NALCN: variants seen among roughly 807,000 people sequenced by gnomAD.
NALCN encodes the protein sodium leak channel NALCN.
In NALCN, 111 loss-of-function variants were observed where a neutral mutation model predicts 225.3. That is an observed-to-expected ratio of 0.49 (90% confidence interval 0.42 to 0.58). NALCN has a LOEUF of 0.58. NALCN is among the 20% of genes least tolerant of loss of function. NALCN has a pLI of 0.00. For missense variants in NALCN, 1,378 were observed against 2,202.4 expected (o/e 0.63, Z 7.49); for synonymous variants, 764 against 769.0 (o/e 0.99, Z 0.11).
intron 3 of NALCN, among the ~76,000 whole-genome samples, chr13:101,394,173 T>C (rs2047220484): frequency 6.6e-6 from 1 of 152,188 alleles, no homozygotes; most frequent in Non-Finnish European, 1.5e-5. Flanking sequence ...AACTGTAATA[T>C]ACTTTGGGGT....
intron 18 of NALCN, among the ~76,000 whole-genome samples, chr13:101,122,222 T>C (rs2036012211): frequency 1.3e-5 from 2 of 152,158 alleles, no homozygotes; most frequent in South Asian, 2.1e-4. Flanking sequence ...GAAACTAGCA[T>C]AGAAGCAATG....
chr13:101,056,505 AC>A (rs1211228671), intron 43 of NALCN, among the ~76,000 whole-genome samples: 1 of 151,442 alleles, frequency 6.6e-6, no homozygotes, highest in African/African-American at 2.4e-5. Context: ...CAAATGATCC[AC>A]CTGCCTCGGC....
chr13:101,305,513 T>C (rs187136207), intron 7 of NALCN, among the ~76,000 whole-genome samples: 17 of 152,318 alleles, frequency 1.1e-4, no homozygotes, highest in Middle Eastern at 3.4e-3. Flanking sequence ...TTTTAACCCT[T>C]ATGTTTTGAC....
intron 7 of NALCN, among the ~76,000 whole-genome samples, chr13:101,334,139 C>A (rs997830036): frequency 6.6e-6 from 1 of 151,886 alleles, no homozygotes; most frequent in East Asian, 1.9e-4. Context: ...GTCTAATGAA[C>A]GAATCCAGAA....
At chr13:101,416,951 C>G (rs867433514), upstream of NALCN, among the ~76,000 whole-genome samples, 4 of 152,170 alleles carry the variant, frequency 2.6e-5, no homozygotes, top group Non-Finnish European at 5.9e-5. Flanking sequence ...AAACCGTTCA[C>G]CTCAAGTTTC....
chr13:101,193,531 G>A (rs758998316), intron 13 of NALCN, among the ~76,000 whole-genome samples: 2 of 152,132 alleles, frequency 1.3e-5, no homozygotes, highest in Non-Finnish European at 2.9e-5. Context: ...TTTACCTTGA[G>A]TTGATTTTTC....
At chr13:101,326,652 C>G (rs371551732) in intron 7 of NALCN, among the ~76,000 whole-genome samples, 1 of 152,154 alleles carries the variant, frequency 6.6e-6, no homozygotes, top group Non-Finnish European at 1.5e-5. Flanking sequence ...CATGACCCCC[C>G]TTCTTTGGTA....
chr13:101,241,736 C>T (rs1408257320), intron 11 of NALCN, among the ~76,000 whole-genome samples: 1 of 152,186 alleles, frequency 6.6e-6, no homozygotes, highest in Non-Finnish European at 1.5e-5. Flanking sequence ...AGCCACCATG[C>T]CCGGCCAGAG....
At chr13:101,180,168 A>AT (rs1252880435) in intron 14 of NALCN, among the ~76,000 whole-genome samples, 1 of 144,386 alleles carries the variant, frequency 6.9e-6, no homozygotes, top group East Asian at 2.0e-4. Flanking sequence ...TATCTTTTGT[A>AT]GGGGCCCATT....
chr13:101,362,061 C>T (rs1038650567), intron 6 of NALCN, among the ~76,000 whole-genome samples: 2 of 151,822 alleles, frequency 1.3e-5, no homozygotes, highest in African/African-American at 2.4e-5. Context: ...AGGTGGTTCA[C>T]ATCTTGGAGA....
intron 13 of NALCN, among the ~76,000 whole-genome samples, chr13:101,200,306 G>A (rs2140036770): frequency 6.6e-6 from 1 of 152,186 alleles, no homozygotes; most frequent in Middle Eastern, 3.4e-3. Context: ...GACATCTTTG[G>A]TTCATCTCAT....
At chr13:101,124,300 C>T (rs992797840) in intron 18 of NALCN, among the ~76,000 whole-genome samples, 4 of 152,136 alleles carry the variant, frequency 2.6e-5, no homozygotes, top group Admixed American at 6.6e-5. Flanking sequence ...TTCTCCTTTA[C>T]ATATCACAAA....
intron 1 of NALCN, among the ~76,000 whole-genome samples, chr13:101,415,224 T>TATATATATATATATATATATATATAC (rs1566669133): frequency 1.4e-4 from 11 of 76,762 alleles, no homozygotes; most frequent in African/African-American, 2.5e-4. Flanking sequence ...TATATATATA[T>TATATATATATATATATATATATATAC]ACATACATAT....
intron 13 of NALCN, among the ~76,000 whole-genome samples, chr13:101,215,548 C>T (rs1028902438): frequency 2.6e-5 from 4 of 152,040 alleles, no homozygotes; most frequent in East Asian, 1.9e-4. Context: ...CTGGAGCTTG[C>T]GGTCTTCTTC....
rs562151729 is a variant in NALCN at position 101,153,501 on chromosome 13, A to T, written c.1840-8605T>A. Among the ~76,000 whole-genome samples, 5 of 152,322 alleles carry T rather than the reference A, an allele frequency of 3.3e-5. No individual in the cohort carries two copies. The East Asian group carries it at 9.6e-4, about 29-fold the overall frequency. On this transcript the variant is annotated intron_variant, in intron 15 of 43. Coordinates refer to ENST00000251127, the MANE Select transcript of NALCN (RefSeq NM_052867.4). ...CTCTTGGTTGTAAAAATGAAAACGA[A>T]AATAGGCAGTTAAACCATTTCTCCT... is the stretch of plus-strand genomic sequence containing the variant.
intron 10 of NALCN, among the ~76,000 whole-genome samples, chr13:101,262,804 C>T (rs1176051697): frequency 2.6e-5 from 4 of 152,182 alleles, no homozygotes; most frequent in Non-Finnish European, 5.9e-5. Context: ...CCACCACTTA[C>T]TGGCACTGTG....
At chr13:101,412,337 C>CT (rs1430470767) in intron 1 of NALCN, among the ~76,000 whole-genome samples, 4 of 152,294 alleles carry the variant, frequency 2.6e-5, no homozygotes, top group African/African-American at 9.6e-5. Flanking sequence ...CTTTTCATCT[C>CT]TTTTCTTTGC....
At chr13:101,374,166 TA>T (rs1235791201) in intron 6 of NALCN, among the ~76,000 whole-genome samples, 1 of 151,048 alleles carries the variant, frequency 6.6e-6, no homozygotes, top group Non-Finnish European at 1.5e-5. Flanking sequence ...AAAGTTATAT[TA>T]AAAAACAAGA....
intron 27 of NALCN, among the ~76,000 whole-genome samples, chr13:101,096,427 G>C (rs993015219): frequency 2.0e-5 from 3 of 152,178 alleles, no homozygotes; most frequent in African/African-American, 4.8e-5. Context: ...CTACAACATG[G>C]AGGATCCTTG....
Sources: allele counts gnomAD v4.1 joint callset (sites outside exome capture counted in the v4.1 genomes callset), GRCh38; gene constraint gnomAD v4.1.1; transcripts MANE v1.5; gene names NCBI Gene and HGNC (gene_info 2026-07-23, HGNC 2026-07-21).